Variants in SEMA3C observed in about 807,000 individuals in gnomAD.
SEMA3C encodes the protein semaphorin 3C, also known as semaphorin-3C.
In SEMA3C, 47 loss-of-function variants were observed where a neutral mutation model predicts 89.4. The observed-to-expected ratio is 0.53, with a 90% CI of 0.42 to 0.67. The LOEUF (loss-of-function observed/expected upper bound fraction) is 0.67, where lower values mean the gene tolerates loss of function less well. SEMA3C is among the 30% of genes least tolerant of loss of function. SEMA3C has a pLI of 0.00. For missense variants in SEMA3C, 839 were observed against 929.1 expected, an observed-to-expected ratio of 0.90 and a Z score of 1.26; for synonymous variants, 310 against 320.2, an observed-to-expected ratio of 0.97 and a Z score of 0.34.
At chr7:80,919,860 C>T (rs1293188210), upstream of SEMA3C, among the ~76,000 whole-genome samples, 2 of 152,070 alleles carry the variant, frequency 1.3e-5, no homozygotes, top group Non-Finnish European at 2.9e-5. Context: ...CGCGCCGGGC[C>T]TCTGTTGCGT....
chr7:80,909,708 C>T (rs1792098926), intron 2 of SEMA3C, among the ~76,000 whole-genome samples: 1 of 152,060 alleles, frequency 6.6e-6, no homozygotes, highest in Non-Finnish European at 1.5e-5. Context: ...TCCTGATGTA[C>T]ATAGCACATC....
chr7:80,745,396 A>C, intron 17 of SEMA3C, 89 bp from the exon 18 acceptor site: 1 of 1,326,838 alleles, frequency 7.5e-7, no homozygotes, highest in Non-Finnish European at 1.0e-6. Flanking sequence ...CTCAACTTTC[A>C]CAGATTTGGG....
intron 2 of SEMA3C, among the ~76,000 whole-genome samples, chr7:80,838,292 T>TA (rs1214829540): frequency 1.3e-5 from 2 of 151,948 alleles, no homozygotes; most frequent in African/African-American, 2.4e-5. Context: ...ATCTACAATA[T>TA]AAAAAAAGAA....
chr7:80,817,804 C>T (rs574806644), intron 5 of SEMA3C, among the ~76,000 whole-genome samples: 38 of 152,182 alleles, frequency 2.5e-4, no homozygotes, highest in African/African-American at 8.9e-4. Flanking sequence ...CCACTTTATA[C>T]ATCTTTTACA....
intron 2 of SEMA3C, among the ~76,000 whole-genome samples, chr7:80,873,730 T>G (rs1439569145): frequency 1.3e-5 from 2 of 152,172 alleles, no homozygotes; most frequent in Non-Finnish European, 2.9e-5. Context: ...GTTTCGTTTT[T>G]GATTTTAAGT....
intron 2 of SEMA3C, among the ~76,000 whole-genome samples, chr7:80,856,755 T>C (rs187063469): frequency 6.6e-6 from 1 of 152,280 alleles, no homozygotes; most frequent in Non-Finnish European, 1.5e-5. Flanking sequence ...ACATCTCTGC[T>C]GCTGATGAGC....
chr7:80,789,537 A>T lies in SEMA3C; in HGVS notation c.1132-9T>A, dbSNP rs749367467. ...AATGCTCCTCCTGGACACTAGAAAG[A>T]AAGTTTTAAAGAACCAAGTTAATAA... On this transcript the variant is annotated splice_polypyrimidine_tract_variant and intron_variant, in intron 11 of 17. Transcript: ENST00000265361. The T allele has an allele frequency of 5.2e-6, 8 of 1,551,938 alleles. No individual in the cohort carries two copies. Among genetic ancestry groups the T allele is most frequent in the Non-Finnish European group, 7.0e-6 (8 of 1,145,412 alleles).
intron 2 of SEMA3C, among the ~76,000 whole-genome samples, chr7:80,910,646 T>C (rs1210545873): frequency 1.3e-5 from 2 of 148,342 alleles, no homozygotes; most frequent in Non-Finnish European, 3.0e-5. Flanking sequence ...TATTTCCCAA[T>C]GCTCGTTCTT....
intron 2 of SEMA3C, among the ~76,000 whole-genome samples, chr7:80,854,883 A>G (rs144994135): frequency 2.2e-3 from 342 of 152,298 alleles, no homozygotes; most frequent in African/African-American, 7.7e-3. Flanking sequence ...TGGATCCACA[A>G]ATGGAACAAC....
chr7:80,850,386 G>A (rs988974979), intron 2 of SEMA3C, among the ~76,000 whole-genome samples: 1 of 152,130 alleles, frequency 6.6e-6, no homozygotes, highest in African/African-American at 2.4e-5. Context: ...TCCATCAACA[G>A]GGGACTGGGT....
chr7:80,810,642 G>T lies in SEMA3C; in HGVS notation c.507C>A (p.Asn169Lys). 6.2e-7 allele frequency: 1 copy of T among 1,613,718 alleles called. No individual in the cohort carries two copies. The highest frequency in any genetic ancestry group is 8.5e-7 in the Non-Finnish European group (1 of 1,179,726). Reference sequence around the variant, plus strand: ...TAACAGACACCGTGTTCACGTTGGGGTTGAAAGAGCAGCGTCCTTTTCCAG... The same window carrying T: ...TAACAGACACCGTGTTCACGTTGGGTTTGAAAGAGCAGCGTCCTTTTCCAG... ...CESGKGRCSF[N>K]PNVNTVSVMI... The change falls in exon 6 of 18, where the codon AAC becomes AAA. Residue 169 changes from asparagine (N) to lysine (K), a missense_variant. Physicochemically the swap from Asn to Lys is moderately conservative, Grantham distance 94 (BLOSUM62 0). Transcript: ENST00000265361.
intron 1 of SEMA3C, among the ~76,000 whole-genome samples, chr7:80,917,723 A>C (rs1466795703): frequency 1.3e-5 from 2 of 152,232 alleles, no homozygotes; most frequent in African/African-American, 4.8e-5. Context: ...TTAAAGAAAC[A>C]CAATCATTTT....
At position 80,912,374 on chromosome 7, in the gene SEMA3C, G is replaced by A. The variant is rs184567592; in HGVS notation, c.103+4305C>T. Among the ~76,000 whole-genome samples the A allele has an allele frequency of 1.8e-4, 27 of 152,096 alleles. 1 individual carries two copies. Among genetic ancestry groups the A allele is most frequent in the Admixed American group, 3.3e-4 (5 of 15,278 alleles). On this transcript the variant is annotated intron_variant, in intron 2 of 17. Coordinates refer to ENST00000265361, the MANE Select transcript of SEMA3C (RefSeq NM_006379.5). ...ATATTACAGGGGAAAATAGACATAC[G>A]AGGCTACATTTCTTAGCAATTCTTC...
chr7:80,834,939 ATTT>A (rs545550459), intron 2 of SEMA3C, among the ~76,000 whole-genome samples: 2 of 152,018 alleles, frequency 1.3e-5, no homozygotes, highest in African/African-American at 4.8e-5. Flanking sequence ...TAGTATTGTT[ATTT>A]TTTATTTTTT....
At chr7:80,779,095 T>C (rs1788632601) in intron 12 of SEMA3C, among the ~76,000 whole-genome samples, 1 of 152,176 alleles carries the variant, frequency 6.6e-6, no homozygotes, top group Admixed American at 6.5e-5. Context: ...TCTGTCTGAA[T>C]AGTCCACCAA....
chr7:80,810,148 C>T (rs1276764971), intron 6 of SEMA3C, among the ~76,000 whole-genome samples: 2 of 152,164 alleles, frequency 1.3e-5, no homozygotes, highest in African/African-American at 2.4e-5. Flanking sequence ...ATTGGCTTGA[C>T]TGAATTCTTC....
chr7:80,786,659 T>G (rs1788810726), intron 12 of SEMA3C, among the ~76,000 whole-genome samples: 1 of 152,218 alleles, frequency 6.6e-6, no homozygotes, highest in African/African-American at 2.4e-5. Flanking sequence ...GAGAACAAAC[T>G]TTATATGCAA....
chr7:80,820,810 G>A (rs1377245239), intron 4 of SEMA3C, among the ~76,000 whole-genome samples: 2 of 152,150 alleles, frequency 1.3e-5, no homozygotes, highest in Non-Finnish European at 2.9e-5. Context: ...GGGAATCTAT[G>A]AGGAATGAGA....
intron 2 of SEMA3C, among the ~76,000 whole-genome samples, chr7:80,889,575 G>T (rs980160819): frequency 6.6e-6 from 1 of 152,026 alleles, no homozygotes; most frequent in South Asian, 2.1e-4. Context: ...GGTTACAGAT[G>T]TATTATGCAT....
Sources: gnomAD v4.1 joint callset for allele counts (sites outside exome capture counted in the v4.1 genomes callset) on GRCh38, gnomAD v4.1.1 for gene constraint, MANE v1.5 for transcripts, NCBI Gene and HGNC (gene_info 2026-07-23, HGNC 2026-07-21) for gene names.